Variants in RANBP9 observed in about 807,000 individuals in gnomAD.
RANBP9 encodes the protein ran-binding protein 9.
In RANBP9, 15 loss-of-function variants were observed where a neutral mutation model predicts 84.3. The ratio of observed to expected loss-of-function variants is 0.18; its 90% CI spans 0.12 to 0.27. RANBP9 has a LOEUF of 0.27. Ranked by LOEUF, RANBP9 falls within the 10% of genes least tolerant of loss-of-function variation. The pLI is 1.00. For missense variants in RANBP9, 809 were observed against 912.8 expected (o/e 0.89, Z 1.46); for synonymous variants, 392 against 349.6 (o/e 1.12, Z -1.35).
intron 11 of RANBP9, 57 bp from the exon 12 acceptor site, chr6:13,632,578 C>G (rs1179084919): frequency 1.4e-6 from 2 of 1,450,710 alleles, no homozygotes; most frequent in Non-Finnish European, 1.9e-6. Context: ...ATAATGAGGA[C>G]ACGAACATAC....
chr6:13,667,028 C>T (rs1765666215), intron 2 of RANBP9, among the ~76,000 whole-genome samples: 1 of 152,032 alleles, frequency 6.6e-6, no homozygotes, highest in South Asian at 2.1e-4. Context: ...AAACTCAATC[C>T]AACAGTGAGG....
chr6:13,695,549 T>A (rs1292486160), intron 2 of RANBP9, among the ~76,000 whole-genome samples: 1 of 151,848 alleles, frequency 6.6e-6, no homozygotes, highest in African/African-American at 2.4e-5. Flanking sequence ...GATTTGAGAA[T>A]CATCAGGGTA....
intron 10 of RANBP9, among the ~76,000 whole-genome samples, chr6:13,637,510 T>G (rs977746780): frequency 6.6e-6 from 1 of 152,188 alleles, no homozygotes; most frequent in Non-Finnish European, 1.5e-5. Context: ...TGATCATTTG[T>G]ATAGCTCTGT....
chr6:13,642,630 G>T, intron 6 of RANBP9, 39 bp from the exon 7 acceptor site: 1 of 1,322,778 alleles, frequency 7.6e-7, no homozygotes, highest in South Asian at 1.2e-5. Context: ...TTTTAGTGAA[G>T]AGAATACATG....
intron 2 of RANBP9, among the ~76,000 whole-genome samples, chr6:13,678,049 T>G (rs1765936792): frequency 1.3e-5 from 2 of 152,074 alleles, no homozygotes; most frequent in African/African-American, 4.8e-5. Context: ...GTCCAGGAGT[T>G]CAAGGCTGCA....
intron 5 of RANBP9, among the ~76,000 whole-genome samples, chr6:13,651,386 GTTGTT>G (rs765151209): frequency 1.6e-4 from 19 of 121,130 alleles, no homozygotes; most frequent in Admixed American, 2.6e-4. Context: ...TGTTGTTGTT[GTTGTT>G]TTGTTTTTTT....
chr6:13,622,459 G>C lies in RANBP9; in HGVS notation c.2093C>G (p.Ala698Gly), dbSNP rs761712743. The C allele has an allele frequency of 3.1e-6, 5 of 1,594,036 alleles. No individual in the cohort carries two copies. The South Asian group carries it at 5.7e-5, about 18-fold the overall frequency. Residue 698 changes from alanine to glycine, a missense_variant, in exon 14 of 14, where the codon GCC (alanine) becomes GGC (glycine). Ala to Gly is a moderately conservative substitution (Grantham distance 60). Around this residue, in one of 5 missense-constraint regions of RANBP9, gnomAD observed 233 missense variants for 234.4 expected, o/e 0.99. Transcript: ENST00000011619. The stretch of plus-strand genomic sequence containing the variant: ...TTGTGTGGCCTGTCCCATTGCTAGG[G>C]CAAGTGGAGGTTGCTTTGGCAGATT... Reference protein sequence around the residue: ...THNLPKQPPLALAMGQATQCL... With the variant: ...THNLPKQPPLGLAMGQATQCL...
chr6:13,626,220 T>C (rs748581202), intron 12 of RANBP9, among the ~76,000 whole-genome samples: 8 of 152,256 alleles, frequency 5.3e-5, no homozygotes, highest in Non-Finnish European at 1.0e-4. Flanking sequence ...AATTCAGTTA[T>C]GAAAAAATTA....
At chr6:13,687,915 C>T (rs138447713) in intron 2 of RANBP9, among the ~76,000 whole-genome samples, 1 of 152,346 alleles carries the variant, frequency 6.6e-6, no homozygotes, top group African/African-American at 2.4e-5. Flanking sequence ...TCATGATCAT[C>T]TCCAGACACA....
chr6:13,666,600 CAAAAAAAAAAAA>C lies in RANBP9; in HGVS notation c.684-7780_684-7769del, dbSNP rs70989878. ...AGACCAGCCTGGGACCCCGTCTCTC[CAAAAAAAAAAAA>C]AAAAAAAAAAAAAAAAGATTGGCAG... is the stretch of plus-strand genomic sequence containing the variant. On this transcript the variant is annotated intron_variant, in intron 2 of 13. Transcript: ENST00000011619. Among the ~76,000 whole-genome samples, 396 of 43,732 alleles carry C rather than the reference CAAAAAAAAAAAA, an allele frequency of 9.1e-3. 2 individuals carry two copies. The highest frequency in any genetic ancestry group is 0.029 in the African/African-American group (381 of 13,132). The allele number at this position is 43,732 out of a possible 152,430, so 28.7% of individuals were successfully genotyped here. A position where few individuals can be genotyped will look rare whatever the true frequency, so the allele number is the denominator to read the frequency against.
At chr6:13,676,504 G>C (rs1765888750) in intron 2 of RANBP9, among the ~76,000 whole-genome samples, 2 of 151,594 alleles carry the variant, frequency 1.3e-5, no homozygotes, top group African/African-American at 4.8e-5. Flanking sequence ...TTACAAGAAG[G>C]GAAAACTGCA....
intron 2 of RANBP9, among the ~76,000 whole-genome samples, chr6:13,667,733 T>G (rs181308111): frequency 2.4e-4 from 37 of 152,272 alleles, no homozygotes; most frequent in African/African-American, 8.7e-4. Context: ...CCACACAACA[T>G]GGCCTAGGTG....
chr6:13,663,444 C>T (rs540642687), intron 2 of RANBP9, among the ~76,000 whole-genome samples: 71 of 152,158 alleles, frequency 4.7e-4, no homozygotes, highest in African/African-American at 1.6e-3. Flanking sequence ...TCCTAAAACA[C>T]GACTCTTTAA....
chr6:13,640,286 T>A (rs1010182999), intron 8 of RANBP9, among the ~76,000 whole-genome samples: 41 of 152,156 alleles, frequency 2.7e-4, no homozygotes, highest in African/African-American at 9.2e-4. Context: ...CTCAGTAACA[T>A]CTCATTTTTT....
chr6:13,686,507 A>T (rs1263922539), intron 2 of RANBP9, among the ~76,000 whole-genome samples: 2 of 150,634 alleles, frequency 1.3e-5, no homozygotes, highest in East Asian at 3.9e-4. Flanking sequence ...CTGGTCTCGA[A>T]CTCCTGACCT....
Position 13,625,065 on chromosome 6 carries a change from T to C in RANBP9, c.2059+588A>G, listed in dbSNP as rs1008322379. Reference sequence around the variant, plus strand: ...TGGATCAGTTTGAGCTTCTCTGATATTCAAGCTCTTCACTCCCTTACTTCC... The same window carrying C: ...TGGATCAGTTTGAGCTTCTCTGATACTCAAGCTCTTCACTCCCTTACTTCC... On this transcript the variant is annotated intron_variant, in intron 13 of 13. Coordinates refer to ENST00000011619, the MANE Select transcript of RANBP9 (RefSeq NM_005493.3). 3.9e-5 allele frequency among the ~76,000 whole-genome samples: 6 copies of C among 152,346 alleles called. No homozygotes were observed. The Middle Eastern group carries it at 0.01, about 259-fold the overall frequency.
chr6:13,707,444 T>C (rs1415264047), intron 1 of RANBP9, among the ~76,000 whole-genome samples: 1 of 152,146 alleles, frequency 6.6e-6, no homozygotes, highest in African/African-American at 2.4e-5. Context: ...TCCAGTTACC[T>C]TTTTCCCCCA....
intron 2 of RANBP9, among the ~76,000 whole-genome samples, chr6:13,668,791 A>G (rs1253842979): frequency 6.6e-6 from 1 of 152,138 alleles, no homozygotes. Context: ...CTTAGTGGTA[A>G]AAGACTGAAT....
intron 1 of RANBP9, among the ~76,000 whole-genome samples, chr6:13,706,709 A>AG (rs1758133040): frequency 6.6e-6 from 1 of 150,680 alleles, no homozygotes. Flanking sequence ...AAAAAAAAAA[A>AG]GGACAATTCA....
Sources: allele counts gnomAD v4.1 joint callset (sites outside exome capture counted in the v4.1 genomes callset), GRCh38; gene constraint gnomAD v4.1.1; regional missense constraint gnomAD v4.1.1; transcripts MANE v1.5; gene names NCBI Gene and HGNC (gene_info 2026-07-23, HGNC 2026-07-21).